Variants in KRT80 observed in about 807,000 individuals in gnomAD.
The protein encoded by KRT80 is keratin, type II cytoskeletal 80.
Under a neutral mutation model 51.5 loss-of-function variants are expected in KRT80, and 36 were observed. The observed-to-expected ratio is 0.70, with a 90% CI of 0.54 to 0.92. The LOEUF (loss-of-function observed/expected upper bound fraction) is 0.92, where lower values mean the gene tolerates loss of function less well. KRT80 is among the 40% of genes least tolerant of loss of function. The pLI, the probability that KRT80 is intolerant of heterozygous loss-of-function variation, is 0.00. For missense variants in KRT80, 566 were observed against 591.7 expected, an observed-to-expected ratio of 0.96 and a Z score of 0.45; for synonymous variants, 235 against 248.3, an observed-to-expected ratio of 0.95 and a Z score of 0.50.
chr12:52,182,182 G>A (rs1449328645), intron 2 of KRT80, among the ~76,000 whole-genome samples: 2 of 152,312 alleles, frequency 1.3e-5, no homozygotes, highest in African/African-American at 4.8e-5. Flanking sequence ...TCCTGGGGGT[G>A]GGGCAGAGGA....
intron 2 of KRT80, 105 bp from the exon 3 acceptor site, chr12:52,181,068 C>G: frequency 1.3e-6 from 1 of 766,184 alleles, no homozygotes; most frequent in Non-Finnish European, 2.0e-6. Context: ...CTTGGGGTCT[C>G]TTTGCCAATT....
At chr12:52,189,837 C>T (rs73311405) in intron 1 of KRT80, among the ~76,000 whole-genome samples, 6,899 of 152,346 alleles carry the variant, frequency 0.045, 517 homozygotes, top group African/African-American at 0.16. Flanking sequence ...TCTCTGGGCA[C>T]AGGACCCCAA....
chr12:52,173,256 C>G, intron 5 of KRT80, 93 bp from the exon 6 acceptor site: 1 of 1,395,040 alleles, frequency 7.2e-7, no homozygotes, highest in Admixed American at 2.9e-5. Flanking sequence ...CCTCCAGTCC[C>G]ATCTCCAACT....
chr12:52,186,267 G>T (rs1941402733), intron 1 of KRT80, among the ~76,000 whole-genome samples: 1 of 152,006 alleles, frequency 6.6e-6, no homozygotes. Flanking sequence ...CCCTCCTGCA[G>T]GAAGCTCTCT....
At chr12:52,185,722 C>T (rs2120936263) in intron 1 of KRT80, 135 bp from the exon 2 acceptor site, 1 of 1,514,352 alleles carries the variant, frequency 6.6e-7, no homozygotes, top group South Asian at 1.2e-5. Flanking sequence ...CCAGGGCGCT[C>T]ACTCAGCAGA....
chr12:52,185,891 G>A, intron 1 of KRT80: 1 of 452,006 alleles, frequency 2.2e-6, no homozygotes, highest in Non-Finnish European at 4.1e-6. Flanking sequence ...CATGCGACAG[G>A]CTCTCCATGC....
chr12:52,191,299 A>T (rs1203201977), intron 1 of KRT80, among the ~76,000 whole-genome samples: 1 of 152,164 alleles, frequency 6.6e-6, no homozygotes, highest in Non-Finnish European at 1.5e-5. Context: ...CCCTGGCCAC[A>T]CTAGGTGGTC....
chr12:52,191,298 C>A (rs1941477401), intron 1 of KRT80, among the ~76,000 whole-genome samples: 1 of 152,212 alleles, frequency 6.6e-6, no homozygotes, highest in African/African-American at 2.4e-5. Flanking sequence ...CCCCTGGCCA[C>A]ACTAGGTGGT....
rs998013761 is a variant in KRT80 at position 52,171,083 on chromosome 12, C to A, written c.*315G>T. The A allele has an allele frequency of 9.4e-6, 2 of 213,864 alleles. No homozygotes were observed. The highest frequency in any genetic ancestry group is 4.6e-5 in the African/African-American group (2 of 43,148). 13.2% of individuals were successfully genotyped at this position (213,864 alleles called of 1,614,324 possible). ...CAGAGCCTGATGCTGGAGGAGGAGC[C>A]TCAGAGGAGCGAGGAGGTGGAGACA... On this transcript the variant is annotated 3_prime_UTR_variant, in exon 9 of 9. Coordinates refer to ENST00000394815, the MANE Select transcript of KRT80 (RefSeq NM_182507.3).
Position 52,180,518 on chromosome 12 carries a change from C to T in KRT80, c.661G>A (p.Glu221Lys). Residue 221 changes from glutamate (E) to lysine (K), a missense_variant, in exon 4 of 9, where the codon GAG becomes AAG. Transcript: ENST00000394815. The part of the protein sequence containing the change: ...SFVELMKTIY[E>K]QELKDLAAQV... ...ACTGGCCCCATCTCACTCACCTGCT[C>T]ATAGATGGTTTTCATCAACTCCACG... The T allele has an allele frequency of 6.8e-7, 1 of 1,464,686 alleles. No individual in the cohort carries two copies. Among genetic ancestry groups the T allele is most frequent in the Non-Finnish European group, 9.0e-7 (1 of 1,107,964 alleles). 90.7% of individuals were successfully genotyped at this position (1,464,686 alleles called of 1,614,324 possible).
In KRT80 at chr12:52,185,606, G is replaced by A. The variant is rs746099449; in HGVS notation, c.301-19C>T. On this transcript the variant is annotated intron_variant, in intron 1 of 8. Coordinates refer to ENST00000394815, the MANE Select transcript of KRT80 (RefSeq NM_182507.3). ...CTTGCACCTGGGAGAGCAGGAAGGC[G>A]GCGAATGGGTCAGGTGTGGACCAGT... The A allele has an allele frequency of 2.1e-5, 33 of 1,600,946 alleles. No individual in the cohort carries two copies. The highest frequency in any genetic ancestry group is 6.7e-5 in the East Asian group (3 of 44,748).
At chr12:52,184,966 A>G (rs1941380107) in intron 2 of KRT80, among the ~76,000 whole-genome samples, 2 of 152,250 alleles carry the variant, frequency 1.3e-5, no homozygotes. Flanking sequence ...CTAAAGCCAC[A>G]TCTAAAACAG....
intron 4 of KRT80, among the ~76,000 whole-genome samples, chr12:52,175,276 C>T (rs1941199266): frequency 6.6e-6 from 1 of 152,132 alleles, no homozygotes; most frequent in African/African-American, 2.4e-5. Flanking sequence ...TGCAGAGTCC[C>T]CACAGCTGGG....
At position 52,170,971 on chromosome 12, in the gene KRT80, C is replaced by T. The variant is rs191205037; in HGVS notation, c.*427G>A. ...CCCGCACATAGGTGGATGAGCCAGT[C>T]CCAGTCCCAGTTCCGAGGCAGAGAC... is the stretch of plus-strand genomic sequence containing the variant. On this transcript the variant is annotated 3_prime_UTR_variant, in exon 9 of 9. Coordinates refer to ENST00000394815, the MANE Select transcript of KRT80 (RefSeq NM_182507.3). 384 of 166,230 alleles carry T rather than the reference C, an allele frequency of 2.3e-3. 5 individuals are homozygous for T. The highest frequency in any genetic ancestry group is 8.7e-3 in the African/African-American group (363 of 41,726). The allele number at this position is 166,230 out of a possible 1,614,324, so 10.3% of individuals were successfully genotyped here.
At chr12:52,182,414 C>A (rs1941339658) in intron 2 of KRT80, among the ~76,000 whole-genome samples, 2 of 152,160 alleles carry the variant, frequency 1.3e-5, no homozygotes, top group South Asian at 2.1e-4. Context: ...GCAAGGGGAC[C>A]AGAGCCAGGC....
intron 2 of KRT80, among the ~76,000 whole-genome samples, 176 bp from the exon 3 acceptor site, chr12:52,181,139 C>T (rs117410923): frequency 0.015 from 2,250 of 152,148 alleles, 28 homozygotes; most frequent in Non-Finnish European, 0.02. Flanking sequence ...TCTCTCTCTC[C>T]CCCCGACCTC....
chr12:52,171,573 C>T, intron 8 of KRT80, 51 bp from the exon 9 acceptor site: 5 of 1,613,098 alleles, frequency 3.1e-6, no homozygotes, highest in Non-Finnish European at 4.2e-6. Flanking sequence ...GGTTTGGGAG[C>T]CACTTAAAAT....
intron 1 of KRT80, among the ~76,000 whole-genome samples, chr12:52,190,663 A>G (rs1941465725): frequency 6.6e-6 from 1 of 152,202 alleles, no homozygotes. Context: ...TTCTCCCATA[A>G]GGTTGTTGAG....
At chr12:52,191,475 A>AGT (rs1941479519) in intron 1 of KRT80, 128 bp downstream of exon 1, 1 of 906,994 alleles carries the variant, frequency 1.1e-6, no homozygotes, top group African/African-American at 1.7e-5. Context: ...TCGGGTTAGC[A>AGT]GTGCCATCTC....
Sources: allele counts gnomAD v4.1 joint callset (sites outside exome capture counted in the v4.1 genomes callset), GRCh38; gene constraint gnomAD v4.1.1; transcripts MANE v1.5; gene names NCBI Gene and HGNC (gene_info 2026-07-23, HGNC 2026-07-21).